Variants in PTPRT observed in about 807,000 individuals in gnomAD.
PTPRT encodes the protein receptor-type tyrosine-protein phosphatase T.
A neutral mutation model predicts 176.8 loss-of-function variants in PTPRT; 56 were observed. That is an observed-to-expected ratio of 0.32 (90% CI 0.26 to 0.40). The LOEUF (loss-of-function observed/expected upper bound fraction) is 0.40, where lower values mean the gene tolerates loss of function less well. PTPRT is among the 10% of genes least tolerant of loss of function. The pLI, the probability that PTPRT is intolerant of heterozygous loss-of-function variation, is 1.00. For missense variants in PTPRT, 1,540 were observed against 1,908.2 expected (o/e 0.81, Z 3.60); for synonymous variants, 783 against 739.0 (o/e 1.06, Z -0.96).
At chr20:42,085,033 T>C (rs536718544) in intron 28 of PTPRT, among the ~76,000 whole-genome samples, 188 bp from the exon 29 acceptor site, 20 of 152,314 alleles carry the variant, frequency 1.3e-4, no homozygotes, top group African/African-American at 3.6e-4. Context: ...TTGCCGTGAC[T>C]GCCCTGAACC....
At chr20:42,292,305 T>A (rs1600791925) in intron 12 of PTPRT, among the ~76,000 whole-genome samples, 1 of 131,558 alleles carries the variant, frequency 7.6e-6, no homozygotes, top group South Asian at 2.3e-4. Flanking sequence ...GCACTAAGAA[T>A]TTTTTTTTTT....
chr20:42,383,838 G>A lies in PTPRT; in HGVS notation c.1561-31553C>T, dbSNP rs552687182. Among the ~76,000 whole-genome samples the A allele has an allele frequency of 1.8e-3, 267 of 152,288 alleles. 1 individual carries two copies. Among genetic ancestry groups the A allele is most frequent in the Non-Finnish European group, 3.2e-3 (216 of 68,030 alleles). Reference sequence around the variant, plus strand: ...TCAGGGAGATAAAGTGGTGAGTGACGCAGACTTTATGCCCCACAAAGAATA... The same window carrying A: ...TCAGGGAGATAAAGTGGTGAGTGACACAGACTTTATGCCCCACAAAGAATA... On this transcript the variant is annotated intron_variant, in intron 9 of 30. Coordinates refer to ENST00000373187, the MANE Select transcript of PTPRT (RefSeq NM_007050.6).
chr20:42,105,474 C>A (rs1315488880), intron 24 of PTPRT, among the ~76,000 whole-genome samples: 1 of 152,144 alleles, frequency 6.6e-6, no homozygotes, highest in Admixed American at 6.5e-5. Context: ...ATGTTTCATT[C>A]TTTCTGGAAA....
At chr20:42,578,052 A>G (rs1170784255) in intron 7 of PTPRT, among the ~76,000 whole-genome samples, 1 of 151,968 alleles carries the variant, frequency 6.6e-6, no homozygotes, top group African/African-American at 2.4e-5. Context: ...TGACCCTGAG[A>G]TCCTCACACT....
intron 7 of PTPRT, among the ~76,000 whole-genome samples, chr20:42,554,431 C>T (rs1474526111): frequency 6.6e-6 from 1 of 152,104 alleles, no homozygotes; most frequent in Non-Finnish European, 1.5e-5. Flanking sequence ...GTCATTGACA[C>T]AATTATATCC....
intron 1 of PTPRT, among the ~76,000 whole-genome samples, chr20:42,940,123 G>A (rs767688228): frequency 1.4e-4 from 22 of 152,220 alleles, no homozygotes; most frequent in Non-Finnish European, 2.2e-4. Context: ...TTCTACCAGT[G>A]AGGATACAGA....
intron 1 of PTPRT, among the ~76,000 whole-genome samples, chr20:43,013,877 C>T (rs1160049092): frequency 1.3e-5 from 2 of 152,150 alleles, no homozygotes; most frequent in Non-Finnish European, 2.9e-5. Flanking sequence ...GGGCAAGTTC[C>T]TTAAGCACTT....
rs142481047 is a variant in PTPRT at position 42,528,672 on chromosome 20, C to T, written c.1154-56110G>A. ...TAACCAATGCTATAAGTAGTCCTTA[C>T]GACAATTAAGGGCAAACTCTGAAAA... On this transcript the variant is annotated intron_variant, in intron 7 of 30. Transcript: ENST00000373187. Among the ~76,000 whole-genome samples the T allele has an allele frequency of 6.8e-4, 103 of 152,122 alleles. No individual in the cohort carries two copies. In the East Asian group the frequency reaches 0.014, roughly 20 times the overall value.
chr20:42,443,187 T>C (rs1426162207), intron 9 of PTPRT, among the ~76,000 whole-genome samples: 2 of 152,266 alleles, frequency 1.3e-5, no homozygotes, highest in Non-Finnish European at 2.9e-5. Flanking sequence ...TCCAGACCAG[T>C]TGATATTCCC....
chr20:42,334,659 T>C (rs2058014727), intron 11 of PTPRT, among the ~76,000 whole-genome samples: 1 of 152,252 alleles, frequency 6.6e-6, no homozygotes, highest in Non-Finnish European at 1.5e-5. Flanking sequence ...GCAATGGTTT[T>C]CAAGACATAA....
chr20:42,619,761 G>C (rs1317327574), intron 7 of PTPRT, among the ~76,000 whole-genome samples: 2 of 132,342 alleles, frequency 1.5e-5, no homozygotes, highest in Non-Finnish European at 3.1e-5. Flanking sequence ...CATTCTTCAC[G>C]TAGTTCTCGA....
intron 11 of PTPRT, among the ~76,000 whole-genome samples, chr20:42,338,153 G>T (rs1353025341): frequency 2.0e-5 from 3 of 152,204 alleles, no homozygotes; most frequent in Non-Finnish European, 4.4e-5. Context: ...CTTCAATTCA[G>T]TTTATGCTTT....
At chr20:42,749,830 C>T (rs1186072451) in intron 6 of PTPRT, among the ~76,000 whole-genome samples, 3 of 152,138 alleles carry the variant, frequency 2.0e-5, no homozygotes, top group African/African-American at 7.2e-5. Context: ...AAACTAGAGG[C>T]TATAAATGCA....
At chr20:43,131,000 T>C (rs2146379721) in intron 1 of PTPRT, among the ~76,000 whole-genome samples, 1 of 152,344 alleles carries the variant, frequency 6.6e-6, no homozygotes, top group South Asian at 2.1e-4. Flanking sequence ...ACCTGACGCC[T>C]ACAACAGTTT....
chr20:42,073,327 C>T lies in PTPRT; in HGVS notation c.*7552G>A, dbSNP rs145688155. The T allele has an allele frequency of 2.3e-3, 434 of 189,110 alleles. 2 individuals are homozygous for T. Among genetic ancestry groups the T allele is most frequent in the Middle Eastern group, 0.016 (8 of 502 alleles). 11.7% of individuals were successfully genotyped at this position (189,110 alleles called of 1,614,324 possible). ...GTATGATTACCAATATGGGTTAACC[C>T]GGATTTACATGGGCTAGCTCAGGAT... On this transcript the variant is annotated 3_prime_UTR_variant, in exon 31 of 31. Transcript: ENST00000373187.
intron 1 of PTPRT, among the ~76,000 whole-genome samples, chr20:43,163,647 A>AG (rs1265762994): frequency 2.7e-5 from 4 of 149,064 alleles, no homozygotes; most frequent in African/African-American, 7.4e-5. Flanking sequence ...CAAAAACAAA[A>AG]CAAAACAAAA....
intron 16 of PTPRT, among the ~76,000 whole-genome samples, chr20:42,186,369 CGCTCCTTCT>C (rs1568654152): frequency 2.7e-5 from 4 of 149,958 alleles, no homozygotes; most frequent in Non-Finnish European, 4.5e-5. Flanking sequence ...TCCCATCCCA[CGCTCCTTCT>C]ACCACATTCC....
intron 9 of PTPRT, among the ~76,000 whole-genome samples, chr20:42,381,070 C>A (rs1331030971): frequency 3.9e-5 from 6 of 152,122 alleles, no homozygotes; most frequent in African/African-American, 1.4e-4. Flanking sequence ...ACTATCGGGA[C>A]AACAGCACCA....
At chr20:42,685,031 T>C (rs2075668464) in intron 6 of PTPRT, among the ~76,000 whole-genome samples, 2 of 152,170 alleles carry the variant, frequency 1.3e-5, no homozygotes, top group South Asian at 2.1e-4. Context: ...CAGTTAGTCA[T>C]TCAAAATCCA....
Sources: allele counts gnomAD v4.1 joint callset (sites outside exome capture counted in the v4.1 genomes callset), GRCh38; gene constraint gnomAD v4.1.1; transcripts MANE v1.5; gene names NCBI Gene and HGNC (gene_info 2026-07-23, HGNC 2026-07-21).